The following TAS2R1 variants were observed in gnomAD, a reference collection of about 807,000 sequenced individuals.
TAS2R1 encodes the protein taste 2 receptor member 1.
For missense variants in TAS2R1, 370 were observed against 353.4 expected, an observed-to-expected ratio of 1.05 and a Z score of -0.38; for synonymous variants, 141 against 134.2, an observed-to-expected ratio of 1.05 and a Z score of -0.35.
chr5:9,782,819 G>A, the TAS2R1 span, among the ~76,000 whole-genome samples: 1 of 152,170 alleles, frequency 6.6e-6, no homozygotes, highest in Non-Finnish European at 1.5e-5. Context: ...ATTCTTTGGG[G>A]GAAAGAGGGA....
chr5:9,788,944 C>T, the TAS2R1 span, among the ~76,000 whole-genome samples: 2 of 152,048 alleles, frequency 1.3e-5, no homozygotes, highest in African/African-American at 4.8e-5. Flanking sequence ...AGGGGCTATG[C>T]AAGGACAATG....
upstream of TAS2R1, among the ~76,000 whole-genome samples, chr5:9,633,868 T>C (rs1457085962): frequency 2.0e-5 from 3 of 152,156 alleles, no homozygotes; most frequent in Non-Finnish European, 4.4e-5. Context: ...ATGCATAATT[T>C]GTGAATATTT....
the TAS2R1 span, among the ~76,000 whole-genome samples, chr5:9,829,840 C>T: frequency 4.6e-5 from 7 of 150,696 alleles, no homozygotes; most frequent in African/African-American, 1.7e-4. Flanking sequence ...GTACCCCAAG[C>T]GAAAAAAAGC....
At chr5:9,831,621 G>GT in the TAS2R1 span, among the ~76,000 whole-genome samples, 552 of 147,888 alleles carry the variant, frequency 3.7e-3, no homozygotes, top group Middle Eastern at 7.0e-3. Flanking sequence ...GCATGTTTCT[G>GT]TTTTTTTTTC....
At chr5:9,731,285 C>G in the TAS2R1 span, among the ~76,000 whole-genome samples, 3 of 152,174 alleles carry the variant, frequency 2.0e-5, no homozygotes, top group African/African-American at 7.2e-5. Context: ...ACTGCTCTGC[C>G]TCCACTCCTG....
the TAS2R1 span, among the ~76,000 whole-genome samples, chr5:9,887,562 T>C: frequency 3.9e-3 from 599 of 152,294 alleles, 2 homozygotes; most frequent in African/African-American, 0.014. Context: ...CCACCACCTA[T>C]GTATCACACA....
the TAS2R1 span, among the ~76,000 whole-genome samples, chr5:9,734,343 A>T: frequency 6.6e-6 from 1 of 152,180 alleles, no homozygotes; most frequent in Non-Finnish European, 1.5e-5. Context: ...ACTACCTTTA[A>T]ATATTTTTGT....
the TAS2R1 span, among the ~76,000 whole-genome samples, chr5:9,774,510 A>G: frequency 6.6e-6 from 1 of 152,252 alleles, no homozygotes; most frequent in Non-Finnish European, 1.5e-5. Context: ...CTGGGCATTC[A>G]AGAGCTTGGC....
chr5:9,843,108 T>A, the TAS2R1 span, among the ~76,000 whole-genome samples: 2 of 152,166 alleles, frequency 1.3e-5, no homozygotes, highest in Non-Finnish European at 2.9e-5. Context: ...CTGTCTTTTT[T>A]AACCTCTCAC....
At chr5:9,645,167 C>G (rs1490042338) in intron 2 of TAS2R1, among the ~76,000 whole-genome samples, 1 of 152,278 alleles carries the variant, frequency 6.6e-6, no homozygotes, top group African/African-American at 2.4e-5. Context: ...AGAATACTTA[C>G]CAATCATTTA....
the TAS2R1 span, among the ~76,000 whole-genome samples, chr5:9,776,338 A>G: frequency 1.3e-5 from 2 of 152,206 alleles, no homozygotes; most frequent in Non-Finnish European, 2.9e-5. Context: ...GGATGGTGTC[A>G]GCAATTCAAA....
In TAS2R1 at chr5:9,627,798, G is replaced by A. The variant is rs1021192814; in HGVS notation, c.*1335C>T. On this transcript the variant is annotated 3_prime_UTR_variant, in exon 1 of 1. Transcript: ENST00000382492. The stretch of plus-strand genomic sequence containing the variant: ...GGAGGCTGTCATTTTGCTCCTTGGG[G>A]AATGAAGTGTGAAACCTGTGGGAAG... Among the ~76,000 whole-genome samples, 3 of 152,170 alleles carry A rather than the reference G, an allele frequency of 2.0e-5. No individual in the cohort carries two copies. Among genetic ancestry groups the A allele is most frequent in the African/African-American group, 7.2e-5 (3 of 41,440 alleles).
At chr5:9,810,620 A>G in the TAS2R1 span, among the ~76,000 whole-genome samples, 1 of 152,120 alleles carries the variant, frequency 6.6e-6, no homozygotes, top group Non-Finnish European at 1.5e-5. Context: ...GAACTGCTAG[A>G]GGGATATGGA....
the TAS2R1 span, among the ~76,000 whole-genome samples, chr5:9,846,191 T>C: frequency 3.7e-3 from 571 of 152,278 alleles, 3 homozygotes; most frequent in African/African-American, 0.012. Context: ...AATGAAGAAA[T>C]GGATACTTCA....
the TAS2R1 span, among the ~76,000 whole-genome samples, chr5:9,885,322 T>C: frequency 6.6e-6 from 1 of 152,262 alleles, no homozygotes; most frequent in Admixed American, 6.5e-5. Context: ...GGTTAAAAAA[T>C]AGAAGATTTG....
the TAS2R1 span, among the ~76,000 whole-genome samples, chr5:9,767,018 A>T: frequency 6.6e-6 from 1 of 152,032 alleles, no homozygotes; most frequent in Non-Finnish European, 1.5e-5. Context: ...ACACCTACAC[A>T]TGGATGGAGC....
At chr5:9,858,081 C>T in the TAS2R1 span, among the ~76,000 whole-genome samples, 1 of 152,020 alleles carries the variant, frequency 6.6e-6, no homozygotes, top group Non-Finnish European at 1.5e-5. Flanking sequence ...TACCCTGGCC[C>T]TAGGGTGGGC....
At chr5:9,656,962 A>T (rs1049732366) in intron 2 of TAS2R1, among the ~76,000 whole-genome samples, 2 of 152,180 alleles carry the variant, frequency 1.3e-5, no homozygotes, top group African/African-American at 4.8e-5. Context: ...ATAAAATATA[A>T]TTCAAAACTT....
chr5:9,744,136 A>G, the TAS2R1 span, among the ~76,000 whole-genome samples: 1 of 152,122 alleles, frequency 6.6e-6, no homozygotes. Flanking sequence ...AGACCAGCTC[A>G]AGACACACTG....
Sources: allele counts gnomAD v4.1 joint callset (sites outside exome capture counted in the v4.1 genomes callset), GRCh38; gene constraint gnomAD v4.1.1; transcripts MANE v1.5; gene names NCBI Gene and HGNC (gene_info 2026-07-23, HGNC 2026-07-21).